COA1: variants seen among roughly 807,000 people sequenced by gnomAD.
The protein encoded by COA1 is cytochrome c oxidase assembly factor 1.
Under a neutral mutation model 16.0 loss-of-function variants are expected in COA1, and 13 were observed. That is an observed-to-expected ratio of 0.81 (90% confidence interval 0.53 to 1.29). The LOEUF (loss-of-function observed/expected upper bound fraction) is 1.29. COA1 is among the 50% of genes most tolerant of loss of function. COA1 has a pLI of 0.00. For missense variants in COA1, 179 were observed against 177.0 expected (o/e 1.01, Z -0.06); for synonymous variants, 65 against 65.7 (o/e 0.99, Z 0.05).
intron 6 of COA1, chr7:43,624,495 C>G (rs1583828207): frequency 1.9e-6 from 3 of 1,579,414 alleles, no homozygotes; most frequent in Non-Finnish European, 2.6e-6. Flanking sequence ...CATGTCTTAA[C>G]TGTAAAACAT....
intron 6 of COA1, among the ~76,000 whole-genome samples, chr7:43,627,949 TG>T (rs1262266782): frequency 6.6e-6 from 1 of 152,172 alleles, no homozygotes; most frequent in African/African-American, 2.4e-5. Flanking sequence ...TCTATGTCGA[TG>T]CTTATATCAG....
chr7:43,645,681 C>T, intron 3 of COA1: 1 of 295,844 alleles, frequency 3.4e-6, no homozygotes, highest in Non-Finnish European at 6.5e-6. Flanking sequence ...CACTCATTGC[C>T]TTATTTTGAC....
At position 43,654,479 on chromosome 7, in the gene COA1, G is replaced by T. The variant is rs974630855; in HGVS notation, c.-38-5827C>A. ...GGACACTACACGCTAAAGAAGGAAA[G>T]GGAAGAAACTCAAATAAGGAGTGAT... On this transcript the variant is annotated intron_variant, in intron 1 of 5. Transcript: ENST00000223336. Among the ~76,000 whole-genome samples, 4 of 152,038 alleles carry T rather than the reference G, an allele frequency of 2.6e-5. No individual in the cohort carries two copies. In the South Asian group the frequency reaches 8.3e-4, roughly 32 times the overall value.
intron 1 of COA1, among the ~76,000 whole-genome samples, chr7:43,710,795 A>G (rs1172306036): frequency 6.6e-6 from 1 of 152,198 alleles, no homozygotes; most frequent in African/African-American, 2.4e-5. Context: ...TCAGGTGCTA[A>G]GCCCTTTCCA....
chr7:43,626,065 TTAAAG>T lies in COA1; in HGVS notation c.*133+13379_*133+13383del, dbSNP rs1370742183. The T allele has an allele frequency of 4.6e-4, 70 of 152,300 alleles. 1 individual carries two copies. Among genetic ancestry groups the T allele is most frequent in the African/African-American group, 1.6e-3 (67 of 41,562 alleles). The allele number at this position is 152,300 out of a possible 1,614,324, so 9.4% of individuals were successfully genotyped here. A position where few individuals can be genotyped will look rare whatever the true frequency, so the allele number is the denominator to read the frequency against. ...AATGTAAAAGTGTATGCCGAATACCTTAAAGTAACTAATTATCCTTACACACAAAA... is the reference window on the plus strand; with the variant it reads ...AATGTAAAAGTGTATGCCGAATACCTTAACTAATTATCCTTACACACAAAA... On this transcript the variant is annotated intron_variant and NMD_transcript_variant, in intron 6 of 6. Transcript: ENST00000415076.
intron 3 of COA1, chr7:43,646,986 G>C (rs1280585431): frequency 1.1e-5 from 2 of 178,198 alleles, no homozygotes; most frequent in Non-Finnish European, 2.4e-5. Flanking sequence ...GACAGTAATT[G>C]TGGCCTGTCT....
At chr7:43,667,844 G>T (rs2092985763) in intron 1 of COA1, among the ~76,000 whole-genome samples, 1 of 152,194 alleles carries the variant, frequency 6.6e-6, no homozygotes, top group Admixed American at 6.5e-5. Flanking sequence ...CAGAGTCCAG[G>T]AAACTTATTT....
At chr7:43,655,151 T>C (rs574257094) in intron 1 of COA1, among the ~76,000 whole-genome samples, 7 of 151,814 alleles carry the variant, frequency 4.6e-5, no homozygotes, top group South Asian at 2.1e-4. Flanking sequence ...TGTTTTGTTA[T>C]TTTACTTTTT....
intron 1 of COA1, among the ~76,000 whole-genome samples, chr7:43,673,459 G>A (rs921049014): frequency 1.9e-4 from 29 of 152,172 alleles, no homozygotes; most frequent in African/African-American, 5.8e-4. Context: ...TCTCACAGCA[G>A]TGAAAATGGC....
intron 1 of COA1, among the ~76,000 whole-genome samples, chr7:43,705,771 T>G (rs942311447): frequency 6.6e-6 from 1 of 152,234 alleles, no homozygotes; most frequent in Non-Finnish European, 1.5e-5. Flanking sequence ...GCTCAGATGT[T>G]CATGAGAATC....
intron 6 of COA1, among the ~76,000 whole-genome samples, chr7:43,616,100 A>G (rs369245722): frequency 6.6e-6 from 1 of 152,224 alleles, no homozygotes; most frequent in East Asian, 1.9e-4. Context: ...TCATTAGGCA[A>G]TCAATAAATA....
intron 1 of COA1, among the ~76,000 whole-genome samples, chr7:43,661,111 C>G (rs1213478656): frequency 6.6e-6 from 1 of 152,208 alleles, no homozygotes; most frequent in Non-Finnish European, 1.5e-5. Context: ...CTTACCAAGG[C>G]AAACTTAATT....
intron 1 of COA1, among the ~76,000 whole-genome samples, chr7:43,684,987 A>T (rs2093951296): frequency 6.6e-6 from 1 of 152,136 alleles, no homozygotes; most frequent in Admixed American, 6.5e-5. Context: ...TCTAGCAGTG[A>T]AAACTAGCTC....
Position 43,647,581 on chromosome 7 carries a change from A to T in COA1, c.69T>A (p.Gly23=), listed in dbSNP as rs769650057. ...TGGCAAAGCCCCCGGCATAGAACAC[A>T]CCGTGGAAAAGGATCCTTGCTCCCA... ...MPLGARILFH[G]VFYAGGFAIV... The change falls in exon 3 of 6, where the codon GGT becomes GGA. Residue 23 remains glycine, a synonymous_variant. Transcript: ENST00000223336. 4.3e-6 allele frequency: 7 copies of T among 1,614,084 alleles called. No individual in the cohort carries two copies. The Admixed American group carries it at 6.7e-5, about 15-fold the overall frequency.
chr7:43,678,906 CA>C (rs1343046295), intron 1 of COA1, among the ~76,000 whole-genome samples: 1 of 152,154 alleles, frequency 6.6e-6, no homozygotes, highest in Non-Finnish European at 1.5e-5. Context: ...GGCAGTTCCT[CA>C]AAAAATTAAA....
chr7:43,717,022 T>C (rs1400891535), intron 1 of COA1, among the ~76,000 whole-genome samples: 1 of 152,056 alleles, frequency 6.6e-6, no homozygotes, highest in African/African-American at 2.4e-5. Context: ...AGAAGATGTA[T>C]GGAAATGTAT....
chr7:43,629,713 C>A (rs1464209463), intron 6 of COA1, among the ~76,000 whole-genome samples: 1 of 152,116 alleles, frequency 6.6e-6, no homozygotes, highest in Non-Finnish European at 1.5e-5. Flanking sequence ...TGGATGGAAT[C>A]CCTCCTCTAC....
chr7:43,703,392 A>G (rs1164104048), intron 1 of COA1, among the ~76,000 whole-genome samples: 1 of 152,176 alleles, frequency 6.6e-6, no homozygotes, highest in Non-Finnish European at 1.5e-5. Flanking sequence ...TATCTTTATT[A>G]GTTTTCTGCA....
intron 6 of COA1, among the ~76,000 whole-genome samples, chr7:43,630,697 G>C (rs1365824825): frequency 6.6e-6 from 1 of 152,122 alleles, no homozygotes; most frequent in Non-Finnish European, 1.5e-5. Flanking sequence ...ACAGGGAGTT[G>C]AAAAGACAGT....
Sources: gnomAD v4.1 joint callset for allele counts (sites outside exome capture counted in the v4.1 genomes callset) on GRCh38, gnomAD v4.1.1 for gene constraint, MANE v1.5 for transcripts, NCBI Gene and HGNC (gene_info 2026-07-23, HGNC 2026-07-21) for gene names.